Variants in COL19A1 observed in about 807,000 individuals in gnomAD.
COL19A1 encodes the protein collagen type XIX alpha 1 chain.
In COL19A1, 159 loss-of-function variants were observed where a neutral mutation model predicts 190.2. The observed-to-expected ratio is 0.84, with a 90% confidence interval of 0.73 to 0.95. The LOEUF (loss-of-function observed/expected upper bound fraction) is 0.95. Among genes scored for constraint, COL19A1 ranks in the 40% least tolerant of loss-of-function variants. The pLI, the probability that COL19A1 is intolerant of heterozygous loss-of-function variation, is 0.00. For synonymous variants in COL19A1, 509 were observed against 458.9 expected, an observed-to-expected ratio of 1.11 and a Z score of -1.39; for missense variants, 1,418 against 1,431.9, an observed-to-expected ratio of 0.99 and a Z score of 0.16.
At chr6:70,042,795 CAAT>C (rs1189572018) in intron 14 of COL19A1, among the ~76,000 whole-genome samples, 3 of 152,180 alleles carry the variant, frequency 2.0e-5, no homozygotes, top group Admixed American at 6.5e-5. Context: ...GTCATTTCAA[CAAT>C]GTTTGCAGCA....
chr6:70,074,079 G>A (rs896408967), intron 15 of COL19A1, among the ~76,000 whole-genome samples: 1 of 152,120 alleles, frequency 6.6e-6, no homozygotes, highest in Non-Finnish European at 1.5e-5. Context: ...TTTTTACAGG[G>A]CTTGGGATAT....
rs776485012 is a variant in COL19A1, at chr6:70,144,916, A to G, written c.1681-2A>G. The G allele has an allele frequency of 1.9e-5, 30 of 1,561,198 alleles. No homozygotes were observed. Among genetic ancestry groups the G allele is most frequent in the South Asian group, 3.5e-5 (3 of 84,858 alleles). On this transcript the variant is annotated splice_acceptor_variant, in intron 24 of 50. Transcript: ENST00000620364. LOFTEE classifies it high-confidence loss of function. ...GTAAGAATCTTACCTTGTTTTCTACAGGGAGATCCGGGTGGGATCATAGGC... is the reference window on the plus strand; with the variant it reads ...GTAAGAATCTTACCTTGTTTTCTACGGGGAGATCCGGGTGGGATCATAGGC...
intron 11 of COL19A1, among the ~76,000 whole-genome samples, chr6:70,008,668 C>T (rs1777785698): frequency 6.6e-6 from 1 of 151,854 alleles, no homozygotes; most frequent in Non-Finnish European, 1.5e-5. Context: ...GGAGGGAACT[C>T]TTCCTACTTC....
chr6:70,118,214 T>C (rs985543382), intron 16 of COL19A1, among the ~76,000 whole-genome samples: 3 of 152,196 alleles, frequency 2.0e-5, no homozygotes, highest in East Asian at 1.9e-4. Context: ...GAATAGAAGA[T>C]AGAAAAATAG....
At chr6:70,165,118 G>A (rs187450874) in intron 36 of COL19A1, among the ~76,000 whole-genome samples, 1 of 152,280 alleles carries the variant, frequency 6.6e-6, no homozygotes, top group East Asian at 1.9e-4. Context: ...GGACTTAAGA[G>A]ATTTTATGAG....
At position 69,924,332 on chromosome 6, in the gene COL19A1, T is replaced by C. The variant is rs184407898; in HGVS notation, c.267-3577T>C. On this transcript the variant is annotated intron_variant, in intron 4 of 50. Coordinates refer to ENST00000620364, the MANE Select transcript of COL19A1 (RefSeq NM_001858.6). Reference sequence around the variant, plus strand: ...GTGTTCTCATTGTTCAATTCCCGCCTATGAGTGAGAATATGCAGTGTTTGG... The same window carrying C: ...GTGTTCTCATTGTTCAATTCCCGCCCATGAGTGAGAATATGCAGTGTTTGG... Among the ~76,000 whole-genome samples the C allele has an allele frequency of 8.1e-3, 1,225 of 150,844 alleles. 17 individuals carry two copies. The highest frequency in any genetic ancestry group is 0.026 in the African/African-American group (1,064 of 41,074).
At chr6:69,982,813 A>C (rs969468114) in intron 11 of COL19A1, among the ~76,000 whole-genome samples, 1 of 151,002 alleles carries the variant, frequency 6.6e-6, no homozygotes, top group African/African-American at 2.4e-5. Context: ...TCTACTAAAA[A>C]TACAAAAAAT....
chr6:70,034,298 G>T lies in COL19A1; in HGVS notation c.1134G>T (p.Lys378Asn). ...PHGPPGPKGEKGDTGPPGPPA... is the reference protein window; with the variant it reads ...PHGPPGPKGENGDTGPPGPPA... The stretch of plus-strand genomic sequence containing the variant: ...GTCCACCTGGCCCAAAAGGAGAAAA[G>T]GTATTGTGTTTACCCAGCCAAGCCC... Residue 378 changes from lysine (K) to asparagine (N), a missense_variant and splice_region_variant, in exon 13 of 51, where the codon AAG (lysine) becomes AAT (asparagine). Coordinates refer to ENST00000620364, the MANE Select transcript of COL19A1 (RefSeq NM_001858.6). The T allele has an allele frequency of 1.2e-6, 2 of 1,612,424 alleles. No homozygotes were observed. Among genetic ancestry groups the T allele is most frequent in the South Asian group, 2.2e-5 (2 of 91,048 alleles).
At chr6:69,874,646 G>A (rs1768029663) in intron 1 of COL19A1, among the ~76,000 whole-genome samples, 1 of 152,150 alleles carries the variant, frequency 6.6e-6, no homozygotes, top group African/African-American at 2.4e-5. Flanking sequence ...AGCTACTTGG[G>A]AGGCTGAGGC....
chr6:70,197,216 C>T (rs987119721), intron 48 of COL19A1, among the ~76,000 whole-genome samples: 7 of 151,628 alleles, frequency 4.6e-5, no homozygotes, highest in African/African-American at 1.7e-4. Context: ...GTCAGGAGAT[C>T]GAGACCATTC....
Position 70,163,343 on chromosome 6 carries a change from G to A in COL19A1, c.2347G>A (p.Gly783Ser), listed in dbSNP as rs1407663868. 3 of 1,612,042 alleles carry A rather than the reference G, an allele frequency of 1.9e-6. No homozygotes were observed. The highest frequency in any genetic ancestry group is 2.2e-5 in the South Asian group (2 of 90,898). The stretch of plus-strand genomic sequence containing the variant: ...ACAAACTTAGTTTTGTGTTTTACAG[G>A]GCTTAATGGGAAGAACTGGACATCC... ...PGAPGPTGPP[G>S]LMGRTGHPGP... Residue 783 changes from glycine (G) to serine (S), a missense_variant and splice_region_variant, in exon 36 of 51, where the codon GGC (glycine) becomes AGC (serine). Physicochemically the swap from Gly to Ser is moderately conservative, Grantham distance 56. Transcript: ENST00000620364.
intron 16 of COL19A1, among the ~76,000 whole-genome samples, chr6:70,113,697 T>C (rs1784402125): frequency 6.6e-6 from 1 of 152,118 alleles, no homozygotes; most frequent in Non-Finnish European, 1.5e-5. Flanking sequence ...CTAACTCTGA[T>C]CTTTCTTTCT....
chr6:70,064,086 C>A (rs1385480144), intron 14 of COL19A1, among the ~76,000 whole-genome samples: 6 of 152,100 alleles, frequency 3.9e-5, no homozygotes, highest in African/African-American at 1.4e-4. Flanking sequence ...GAAACTACTC[C>A]AATCAATAGA....
chr6:69,923,900 T>G (rs530389309), intron 4 of COL19A1, among the ~76,000 whole-genome samples: 1 of 152,322 alleles, frequency 6.6e-6, no homozygotes, highest in African/African-American at 2.4e-5. Context: ...GGTGTTTAAC[T>G]ATTCAATCAT....
rs114416482 is a variant in COL19A1 at position 69,923,911 on chromosome 6, T to C, written c.267-3998T>C. Among the ~76,000 whole-genome samples the C allele has an allele frequency of 9.8e-4, 149 of 152,280 alleles. 1 individual carries two copies. Among genetic ancestry groups the C allele is most frequent in the African/African-American group, 3.3e-3 (138 of 41,558 alleles). On this transcript the variant is annotated intron_variant, in intron 4 of 50. Coordinates refer to ENST00000620364, the MANE Select transcript of COL19A1 (RefSeq NM_001858.6). ...TAAGGGTGTTTAACTATTCAATCATTAGTTGACTACTAAGCTAAATGAGCA... is the reference window on the plus strand; with the variant it reads ...TAAGGGTGTTTAACTATTCAATCATCAGTTGACTACTAAGCTAAATGAGCA...
chr6:70,064,802 A>T (rs1781075023), intron 14 of COL19A1, among the ~76,000 whole-genome samples: 1 of 152,230 alleles, frequency 6.6e-6, no homozygotes, highest in Non-Finnish European at 1.5e-5. Context: ...AAGCATTCTT[A>T]TACACCAATA....
intron 1 of COL19A1, among the ~76,000 whole-genome samples, chr6:69,867,193 C>T (rs1767508214): frequency 6.6e-6 from 1 of 151,946 alleles, no homozygotes; most frequent in Non-Finnish European, 1.5e-5. Context: ...TGCCCTCCGG[C>T]CCGGGGTTAC....
chr6:70,027,262 T>G (rs1403590687), intron 12 of COL19A1, among the ~76,000 whole-genome samples: 1 of 152,196 alleles, frequency 6.6e-6, no homozygotes, highest in African/African-American at 2.4e-5. Context: ...TATATGTATC[T>G]TAGTGTCAAT....
At chr6:69,921,491 T>TATATATTC (rs1254780785) in intron 4 of COL19A1, among the ~76,000 whole-genome samples, 3,443 of 111,992 alleles carry the variant, frequency 0.031, 353 homozygotes, top group African/African-American at 0.1. Flanking sequence ...TATATATTCA[T>TATATATTC]ATATATTCAT....
Sources: gnomAD v4.1 joint callset for allele counts (sites outside exome capture counted in the v4.1 genomes callset) on GRCh38, gnomAD v4.1.1 for gene constraint, MANE v1.5 for transcripts, NCBI Gene and HGNC (gene_info 2026-07-23, HGNC 2026-07-21) for gene names.